The following PDE8B variants were observed in gnomAD, a reference collection of about 807,000 sequenced individuals.
PDE8B encodes phosphodiesterase 8B, also known as high affinity cAMP-specific and IBMX-insensitive 3',5'-cyclic phosphodiesterase 8B.
Under a neutral mutation model 101.3 loss-of-function variants are expected in PDE8B, and 26 were observed. The ratio of observed to expected loss-of-function variants is 0.26; its 90% CI spans 0.19 to 0.36. The LOEUF (loss-of-function observed/expected upper bound fraction) is 0.36. Among genes scored for constraint, PDE8B ranks in the 10% least tolerant of loss-of-function variants. The pLI, the probability that PDE8B is intolerant of heterozygous loss-of-function variation, is 1.00. For synonymous variants in PDE8B, 424 were observed against 429.3 expected (o/e 0.99, Z 0.15); for missense variants, 810 against 1,163.1 (o/e 0.70, Z 4.42).
intron 1 of PDE8B, among the ~76,000 whole-genome samples, chr5:77,268,784 G>T (rs1331364411): frequency 2.0e-5 from 3 of 150,930 alleles, no homozygotes; most frequent in Non-Finnish European, 4.4e-5. Context: ...AGAAAATGTG[G>T]TAACTCTCTT....
chr5:77,318,124 C>T (rs1040122808), intron 2 of PDE8B, among the ~76,000 whole-genome samples: 2 of 150,562 alleles, frequency 1.3e-5, no homozygotes, highest in Non-Finnish European at 2.9e-5. Flanking sequence ...TGTTGTAGGG[C>T]ATGGGTTTTC....
chr5:77,266,084 T>C (rs1761655729), intron 1 of PDE8B, among the ~76,000 whole-genome samples: 1 of 152,230 alleles, frequency 6.6e-6, no homozygotes, highest in Non-Finnish European at 1.5e-5. Flanking sequence ...TTCAGCGGCA[T>C]TGTGGTGAAA....
chr5:77,277,298 T>A (rs191163299), intron 1 of PDE8B, among the ~76,000 whole-genome samples: 1 of 152,336 alleles, frequency 6.6e-6, no homozygotes, highest in Non-Finnish European at 1.5e-5. Context: ...CAGATGGCCT[T>A]TAGCAAAGGA....
the PDE8B span, among the ~76,000 whole-genome samples, chr5:77,197,296 T>TA: frequency 1.5e-5 from 2 of 135,574 alleles, no homozygotes; most frequent in Admixed American, 1.4e-4. Context: ...TTTTTTTTTT[T>TA]AGTAGAGTCG....
the PDE8B span, chr5:77,151,273 GA>G: frequency 6.6e-6 from 1 of 152,358 alleles, no homozygotes; most frequent in Non-Finnish European, 1.5e-5. Context: ...GGTCCTGGGG[GA>G]TGGCAGAGCC....
the PDE8B span, among the ~76,000 whole-genome samples, chr5:77,127,837 T>A: frequency 6.6e-6 from 1 of 152,192 alleles, no homozygotes; most frequent in African/African-American, 2.4e-5. Context: ...TTGTCTATCC[T>A]ATCCCAGCTC....
intron 1 of PDE8B, among the ~76,000 whole-genome samples, chr5:77,260,655 T>C (rs1760379126): frequency 7.0e-6 from 1 of 143,628 alleles, no homozygotes; most frequent in Non-Finnish European, 1.5e-5. Flanking sequence ...TGGTGCAATC[T>C]CAGCTCATTG....
chr5:77,109,312 T>C, the PDE8B span, among the ~76,000 whole-genome samples: 8 of 152,352 alleles, frequency 5.3e-5, no homozygotes, highest in African/African-American at 1.9e-4. Context: ...TTATTACTCT[T>C]GTTTTTGTTG....
chr5:77,200,239 G>T, the PDE8B span, among the ~76,000 whole-genome samples: 77 of 152,116 alleles, frequency 5.1e-4, no homozygotes, highest in Non-Finnish European at 1.0e-4. Context: ...TTAAGTTGTA[G>T]AAGAAGAATG....
intron 2 of PDE8B, among the ~76,000 whole-genome samples, chr5:77,324,348 G>A (rs1236626711): frequency 6.6e-6 from 1 of 152,128 alleles, no homozygotes; most frequent in Non-Finnish European, 1.5e-5. Flanking sequence ...CTGGTGCTGG[G>A]CATGGGGGGT....
intron 8 of PDE8B, among the ~76,000 whole-genome samples, chr5:77,350,074 C>T (rs1346726461): frequency 6.6e-6 from 1 of 152,146 alleles, no homozygotes; most frequent in Admixed American, 6.5e-5. Flanking sequence ...TGATGGAAGT[C>T]CGAGAGGAAT....
chr5:77,322,544 G>A (rs2150209441), intron 2 of PDE8B, among the ~76,000 whole-genome samples: 1 of 152,198 alleles, frequency 6.6e-6, no homozygotes, highest in Non-Finnish European at 1.5e-5. Context: ...CAGTCACCCA[G>A]GCTCCCTTGC....
chr5:77,274,759 AC>A (rs1218261533), intron 1 of PDE8B, among the ~76,000 whole-genome samples: 1 of 151,946 alleles, frequency 6.6e-6, no homozygotes, highest in Non-Finnish European at 1.5e-5. Context: ...TGGAAAATTT[AC>A]AACTTAACTA....
the PDE8B span, among the ~76,000 whole-genome samples, chr5:77,196,122 G>GT: frequency 5.1e-4 from 78 of 152,180 alleles, 1 homozygote; most frequent in East Asian, 9.5e-3. Context: ...GGATTGTTCA[G>GT]TTTTTTGTAG....
chr5:77,401,513 A>G (rs1315836771), intron 11 of PDE8B, among the ~76,000 whole-genome samples: 1 of 152,178 alleles, frequency 6.6e-6, no homozygotes, highest in Non-Finnish European at 1.5e-5. Context: ...ATCTTGGGCT[A>G]CCTACAAAAT....
At chr5:77,363,441 C>T (rs1420214449) in intron 10 of PDE8B, among the ~76,000 whole-genome samples, 12 of 152,012 alleles carry the variant, frequency 7.9e-5, no homozygotes, top group Non-Finnish European at 1.5e-4. Flanking sequence ...AGGCCTGGTG[C>T]GGTGGCTTAT....
At chr5:77,401,531 TGCTTAAA>T (rs1242673443) in intron 11 of PDE8B, among the ~76,000 whole-genome samples, 1 of 152,226 alleles carries the variant, frequency 6.6e-6, no homozygotes, top group Non-Finnish European at 1.5e-5. Context: ...AATCTCTCCA[TGCTTAAA>T]TTTCTTATCA....
At chr5:77,121,520 T>C in the PDE8B span, among the ~76,000 whole-genome samples, 1 of 151,742 alleles carries the variant, frequency 6.6e-6, no homozygotes, top group African/African-American at 2.4e-5. Flanking sequence ...TTTTTTTTTT[T>C]TTTTTGAGAC....
intron 1 of PDE8B, among the ~76,000 whole-genome samples, chr5:77,238,690 T>C (rs1755165218): frequency 6.6e-6 from 1 of 152,194 alleles, no homozygotes; most frequent in Non-Finnish European, 1.5e-5. Flanking sequence ...ATCTGACATC[T>C]GCAACCTGGA....
Sources: gnomAD v4.1 joint callset for allele counts (sites outside exome capture counted in the v4.1 genomes callset) on GRCh38, gnomAD v4.1.1 for gene constraint, MANE v1.5 for transcripts, NCBI Gene and HGNC (gene_info 2026-07-23, HGNC 2026-07-21) for gene names.